The following DEPDC4 variants were observed in gnomAD, a reference collection of about 807,000 sequenced individuals.
DEPDC4 encodes DEP domain containing 4, also known as DEP domain-containing protein 4.
In DEPDC4, 52 loss-of-function variants were observed where a neutral mutation model predicts 52.0. The ratio of observed to expected loss-of-function variants is 1.00; its 90% CI spans 0.80 to 1.26. The LOEUF (loss-of-function observed/expected upper bound fraction) is 1.26. Ranked by LOEUF, DEPDC4 falls within the 50% of genes most tolerant of loss-of-function variation. The pLI, the probability that DEPDC4 is intolerant of heterozygous loss-of-function variation, is 0.00. For missense variants in DEPDC4, 530 were observed against 546.9 expected (o/e 0.97, Z 0.31); for synonymous variants, 201 against 196.8 (o/e 1.02, Z -0.18).
chr12:100,277,386 C>T, the DEPDC4 span, among the ~76,000 whole-genome samples: 8 of 152,196 alleles, frequency 5.3e-5, no homozygotes, highest in Non-Finnish European at 1.2e-4. Context: ...ATGAATTTGT[C>T]TATTTCTTCT....
chr12:100,281,828 C>T, the DEPDC4 span, among the ~76,000 whole-genome samples: 13 of 141,216 alleles, frequency 9.2e-5, no homozygotes, highest in African/African-American at 1.3e-4. Flanking sequence ...AGCTAGACTC[C>T]GTCTCAAAAA....
At chr12:100,247,970 C>T (rs372309497) in intron 8 of DEPDC4, among the ~76,000 whole-genome samples, 4 of 152,174 alleles carry the variant, frequency 2.6e-5, no homozygotes, top group East Asian at 1.9e-4. Context: ...CACCAAGTTA[C>T]GCAACCTCTC....
At chr12:100,257,244 AT>A (rs1240088302) in intron 3 of DEPDC4, among the ~76,000 whole-genome samples, 2 of 151,782 alleles carry the variant, frequency 1.3e-5, no homozygotes, top group Non-Finnish European at 2.9e-5. Flanking sequence ...TGCCAGACTA[AT>A]TTTTGTATTT....
intron 2 of DEPDC4, among the ~76,000 whole-genome samples, chr12:100,262,763 T>C (rs1352927195): frequency 6.6e-6 from 1 of 152,198 alleles, no homozygotes; most frequent in African/African-American, 2.4e-5. Context: ...AGACATAGTT[T>C]TTCCTGGTAT....
chr12:100,237,839 T>C (rs2096144011), downstream of DEPDC4: 1 of 152,688 alleles, frequency 6.5e-6, no homozygotes, highest in Admixed American at 6.5e-5. Context: ...TTTAAAAAAC[T>C]GAGGCTCAGT....
chr12:100,238,115 C>G (rs2096144693), downstream of DEPDC4: 2 of 954,316 alleles, frequency 2.1e-6, no homozygotes, highest in Admixed American at 6.2e-5. Context: ...ACTTCCTCCC[C>G]AACTTAAAAA....
chr12:100,266,357 A>G (rs2096273181), intron 1 of DEPDC4, among the ~76,000 whole-genome samples: 1 of 152,174 alleles, frequency 6.6e-6, no homozygotes, highest in African/African-American at 2.4e-5. Context: ...GGCAGAGCGG[A>G]GACTGAGGAG....
chr12:100,238,398 C>T (rs1333547556), downstream of DEPDC4, among the ~76,000 whole-genome samples: 1 of 151,594 alleles, frequency 6.6e-6, no homozygotes, highest in East Asian at 1.9e-4. Flanking sequence ...GATCTCAGGT[C>T]ATCTGCCTGC....
At chr12:100,266,444 C>T (rs886683036) in intron 1 of DEPDC4, among the ~76,000 whole-genome samples, 15 of 152,236 alleles carry the variant, frequency 9.9e-5, no homozygotes, top group African/African-American at 3.6e-4. Context: ...GCGGTACAGC[C>T]TGTTTTCCAT....
rs116183297 is a variant in DEPDC4, at chr12:100,245,262, T to C, written c.1454-2693A>G. Among the ~76,000 whole-genome samples the C allele has an allele frequency of 4.6e-3, 701 of 152,214 alleles. 7 individuals carry two copies. Among genetic ancestry groups the C allele is most frequent in the African/African-American group, 0.016 (651 of 41,530 alleles). ...CCCACCTGGAAACCTGGGATTCATA[T>C]TTGAGTCACTTTTCTGTTTTTGGAG... On this transcript the variant is annotated intron_variant, in intron 8 of 9. Coordinates refer to ENST00000550587, the MANE Select transcript of DEPDC4 (RefSeq NM_001364818.2).
chr12:100,278,773 G>T, the DEPDC4 span, among the ~76,000 whole-genome samples: 9 of 151,948 alleles, frequency 5.9e-5, no homozygotes, highest in African/African-American at 2.2e-4. Flanking sequence ...GGGACTACAG[G>T]CGCGTACCAC....
At chr12:100,234,386 G>A (rs916268559) in intron 9 of DEPDC4, among the ~76,000 whole-genome samples, 1 of 152,180 alleles carries the variant, frequency 6.6e-6, no homozygotes, top group Non-Finnish European at 1.5e-5. Flanking sequence ...GGGAGATTCT[G>A]GCTGAACTGA....
intron 3 of DEPDC4, 124 bp from the exon 4 acceptor site, chr12:100,256,350 G>T: frequency 3.4e-6 from 2 of 592,938 alleles, no homozygotes; most frequent in South Asian, 3.2e-5. Context: ...GTAATATAAT[G>T]GGTTAATTTA....
At chr12:100,252,358 A>C (rs2153910029) in intron 6 of DEPDC4, 36 bp downstream of exon 6, 1 of 1,404,170 alleles carries the variant, frequency 7.1e-7, no homozygotes, top group South Asian at 1.3e-5. Context: ...AAAAATAGCA[A>C]AAAAAAATGG....
chr12:100,269,042 T>A (rs751089929), upstream of DEPDC4, among the ~76,000 whole-genome samples: 26 of 152,352 alleles, frequency 1.7e-4, no homozygotes, highest in Non-Finnish European at 3.1e-4. Flanking sequence ...TACTGTGGTC[T>A]CCTGTAGTTT....
the DEPDC4 span, among the ~76,000 whole-genome samples, chr12:100,281,020 T>TTTTGTTTTTTTG: frequency 3.0e-5 from 2 of 67,016 alleles, no homozygotes; most frequent in African/African-American, 1.3e-4. Flanking sequence ...ACCATCAGTG[T>TTTTGTTTTTTTG]TTTTTTTTTT....
At chr12:100,263,444 A>G in intron 2 of DEPDC4, 53 bp downstream of exon 2, 1 of 1,406,018 alleles carries the variant, frequency 7.1e-7, no homozygotes, top group Non-Finnish European at 9.5e-7. Flanking sequence ...CAATAAAGAC[A>G]GTTCTTCTAG....
intron 7 of DEPDC4, among the ~76,000 whole-genome samples, chr12:100,250,292 T>C (rs1043690165): frequency 6.6e-6 from 1 of 152,194 alleles, no homozygotes; most frequent in Admixed American, 6.5e-5. Context: ...CTTGGCTCAC[T>C]GCAGCCTCCG....
downstream of DEPDC4, among the ~76,000 whole-genome samples, chr12:100,237,291 T>G (rs2153903065): frequency 6.7e-6 from 1 of 150,192 alleles, no homozygotes; most frequent in Middle Eastern, 3.4e-3. Context: ...CACCGCAACC[T>G]CCACCTCCCA....
Sources: gnomAD v4.1 joint callset for allele counts (sites outside exome capture counted in the v4.1 genomes callset) on GRCh38, gnomAD v4.1.1 for gene constraint, MANE v1.5 for transcripts, NCBI Gene and HGNC (gene_info 2026-07-23, HGNC 2026-07-21) for gene names.